PKHD1: variants seen among roughly 807,000 people sequenced by gnomAD.
PKHD1 encodes the protein fibrocystin.
PKHD1 carries 291 observed loss-of-function variants against 412.0 expected under a neutral mutation model. The ratio of observed to expected loss-of-function variants is 0.71; its 90% CI spans 0.64 to 0.78. The LOEUF (loss-of-function observed/expected upper bound fraction) is 0.78, where lower values mean the gene tolerates loss of function less well. Among genes scored for constraint, PKHD1 ranks in the 30% least tolerant of loss-of-function variants. The pLI is 0.00. For synonymous variants in PKHD1, 1,777 were observed against 1,821.5 expected (o/e 0.98, Z 0.62); for missense variants, 4,825 against 4,950.7 (o/e 0.97, Z 0.76).
chr6:51,691,267 G>A (rs1251860390), intron 60 of PKHD1, among the ~76,000 whole-genome samples: 1 of 151,982 alleles, frequency 6.6e-6, no homozygotes, highest in Non-Finnish European at 1.5e-5. Context: ...AAGACCTAAA[G>A]ACAGAAATAC....
chr6:51,891,357 G>T (rs189692839), intron 43 of PKHD1, among the ~76,000 whole-genome samples: 8 of 152,002 alleles, frequency 5.3e-5, no homozygotes, highest in African/African-American at 1.9e-4. Context: ...TCGGCTCACC[G>T]CAACCTCCAC....
chr6:52,011,113 A>G (rs961948629), intron 34 of PKHD1, among the ~76,000 whole-genome samples: 3 of 152,224 alleles, frequency 2.0e-5, no homozygotes, highest in African/African-American at 7.2e-5. Flanking sequence ...CAGTTATACT[A>G]CCAGCCACTC....
intron 33 of PKHD1, 112 bp from the exon 34 acceptor site, chr6:52,017,741 T>C: frequency 1.3e-6 from 1 of 789,586 alleles, no homozygotes. Context: ...AATATGAAGT[T>C]AGCAGTTTAC....
intron 48 of PKHD1, among the ~76,000 whole-genome samples, chr6:51,862,680 A>G (rs1324111325): frequency 6.6e-6 from 1 of 152,230 alleles, no homozygotes; most frequent in Non-Finnish European, 1.5e-5. Context: ...CGCAAGCACT[A>G]CAGGAGAGGA....
intron 25 of PKHD1, among the ~76,000 whole-genome samples, chr6:52,044,313 C>A (rs1005293649): frequency 8.5e-5 from 13 of 152,138 alleles, no homozygotes; most frequent in African/African-American, 2.7e-4. Flanking sequence ...GATGTGACCC[C>A]ACTGATTCTC....
intron 39 of PKHD1, among the ~76,000 whole-genome samples, chr6:51,911,402 A>G (rs1283770061): frequency 6.6e-6 from 1 of 152,102 alleles, no homozygotes; most frequent in East Asian, 1.9e-4. Flanking sequence ...GGAGCCCTAC[A>G]AGTCTAATCA....
At chr6:52,071,402 C>T (rs560820686) in intron 8 of PKHD1, among the ~76,000 whole-genome samples, 4 of 151,754 alleles carry the variant, frequency 2.6e-5, no homozygotes, top group East Asian at 2.0e-4. Flanking sequence ...GTATGAACCC[C>T]ATAAAGGACA....
At chr6:51,863,023 G>A (rs2151732916) in intron 48 of PKHD1, among the ~76,000 whole-genome samples, 1 of 152,264 alleles carries the variant, frequency 6.6e-6, no homozygotes, top group South Asian at 2.1e-4. Flanking sequence ...AATCACAAAT[G>A]TAAAATAGAT....
chr6:51,865,780 T>C (rs765838089), intron 48 of PKHD1, among the ~76,000 whole-genome samples: 5 of 152,320 alleles, frequency 3.3e-5, no homozygotes, highest in Middle Eastern at 6.8e-3. Flanking sequence ...AAATTAATCC[T>C]TTCTCCATGA....
chr6:52,069,314 A>C, intron 11 of PKHD1, 143 bp downstream of exon 11: 1 of 750,756 alleles, frequency 1.3e-6, no homozygotes, highest in Admixed American at 1.9e-5. Context: ...ATTTAATCTC[A>C]ACCAAAAACA....
At chr6:52,079,452 C>T (rs1310608973) in intron 5 of PKHD1, among the ~76,000 whole-genome samples, 2 of 152,106 alleles carry the variant, frequency 1.3e-5, no homozygotes, top group African/African-American at 2.4e-5. Context: ...CATGCTGAGA[C>T]TCAGCATGAT....
intron 27 of PKHD1, among the ~76,000 whole-genome samples, chr6:52,036,494 GAT>G (rs1243230424): frequency 6.6e-6 from 1 of 152,196 alleles, no homozygotes; most frequent in African/African-American, 2.4e-5. Context: ...CCATCTCCCA[GAT>G]ACAAGAGAGG....
chr6:51,679,966 C>T (rs112683137), intron 60 of PKHD1, among the ~76,000 whole-genome samples: 29 of 152,112 alleles, frequency 1.9e-4, no homozygotes, highest in African/African-American at 6.5e-4. Flanking sequence ...CCTGGCTCTG[C>T]TTCTTACCCT....
intron 43 of PKHD1, among the ~76,000 whole-genome samples, chr6:51,894,781 T>G (rs2127582487): frequency 6.6e-6 from 1 of 152,316 alleles, no homozygotes. Flanking sequence ...ATACATTTGT[T>G]TAATTAATAC....
chr6:51,976,002 T>C (rs1358712031), intron 35 of PKHD1: 1 of 129,790 alleles, frequency 7.7e-6, no homozygotes, highest in Non-Finnish European at 1.7e-5. Flanking sequence ...AGAAAACAAC[T>C]GTTGCCAAGA....
rs1766308700 is a variant in PKHD1 at position 51,619,249 on chromosome 6, C to T, written c.12057G>A (p.Leu4019=). ...TCTCTTGTCTGAAGTCTGGGCATAG[C>T]AGCAGCAGCTGATTTTGGCCTGCCA... ...YQLAGQNQLL[L]LCPDFRQERQ... is the part of the protein sequence containing the mutation. The change falls in exon 67 of 67, where the codon CTG becomes CTA. Residue 4019 remains leucine, a synonymous_variant. Coordinates refer to ENST00000371117, the MANE Select transcript of PKHD1 (RefSeq NM_138694.4). The T allele has an allele frequency of 1.2e-6, 2 of 1,614,244 alleles. No individual in the cohort carries two copies. The highest frequency in any genetic ancestry group is 1.7e-6 in the Non-Finnish European group (2 of 1,180,034).
intron 55 of PKHD1, 130 bp downstream of exon 55, chr6:51,772,572 T>C: frequency 1.8e-6 from 1 of 558,508 alleles, no homozygotes; most frequent in South Asian, 2.9e-5. Flanking sequence ...TAATCGCTTA[T>C]TTTTCTACTT....
At chr6:51,658,913 A>C (rs568346726) in intron 61 of PKHD1, 39 bp downstream of exon 61, 2 of 1,374,796 alleles carry the variant, frequency 1.5e-6, no homozygotes, top group South Asian at 2.3e-5. Flanking sequence ...GACCTAAAAA[A>C]TCAGCCCTCA....
chr6:51,703,939 C>T (rs962746169), intron 60 of PKHD1, among the ~76,000 whole-genome samples: 3 of 152,012 alleles, frequency 2.0e-5, no homozygotes, highest in East Asian at 1.9e-4. Context: ...AGACCATTCA[C>T]ATTTCTGCTC....
Sources: gnomAD v4.1 joint callset for allele counts (sites outside exome capture counted in the v4.1 genomes callset) on GRCh38, gnomAD v4.1.1 for gene constraint, MANE v1.5 for transcripts, NCBI Gene and HGNC (gene_info 2026-07-23, HGNC 2026-07-21) for gene names.